The following SLC25A13 variants were observed in gnomAD, a reference collection of about 807,000 sequenced individuals.
The protein encoded by SLC25A13 is solute carrier family 25 member 13, also known as electrogenic aspartate/glutamate antiporter SLC25A13, mitochondrial.
Under a neutral mutation model 85.5 loss-of-function variants are expected in SLC25A13, and 70 were observed. The observed-to-expected ratio is 0.82, with a 90% CI of 0.68 to 1.00. The LOEUF (loss-of-function observed/expected upper bound fraction) is 1.00, where lower values mean the gene tolerates loss of function less well. Among genes scored for constraint, SLC25A13 ranks in the 50% least tolerant of loss-of-function variants. The pLI is 0.00. For synonymous variants in SLC25A13, 259 were observed against 288.7 expected, an observed-to-expected ratio of 0.90 and a Z score of 1.04; for missense variants, 765 against 819.8, an observed-to-expected ratio of 0.93 and a Z score of 0.82.
intron 14 of SLC25A13, among the ~76,000 whole-genome samples, chr7:96,144,395 C>A (rs148415481): frequency 4.9e-4 from 74 of 152,256 alleles, no homozygotes; most frequent in African/African-American, 1.7e-3. Flanking sequence ...ATTACTAGGT[C>A]ACTTTCTTGC....
intron 14 of SLC25A13, among the ~76,000 whole-genome samples, chr7:96,138,494 C>G (rs1252937098): frequency 6.6e-6 from 1 of 151,320 alleles, no homozygotes; most frequent in African/African-American, 2.4e-5. Context: ...CCCCTGGGCT[C>G]AAGTGCTCTT....
At chr7:96,298,812 T>C (rs566004735) in intron 1 of SLC25A13, among the ~76,000 whole-genome samples, 11 of 152,312 alleles carry the variant, frequency 7.2e-5, no homozygotes, top group Admixed American at 3.9e-4. Flanking sequence ...AATGTACTGC[T>C]AGTTAACCTA....
intron 1 of SLC25A13, among the ~76,000 whole-genome samples, chr7:96,310,897 T>G (rs778073278): frequency 6.6e-6 from 1 of 152,202 alleles, no homozygotes; most frequent in East Asian, 1.9e-4. Flanking sequence ...CCATAAAGTT[T>G]ACCATTGTAA....
intron 5 of SLC25A13, among the ~76,000 whole-genome samples, chr7:96,206,550 T>C (rs12667395): frequency 0.59 from 89,322 of 151,874 alleles, 26,729 homozygotes; most frequent in Non-Finnish European, 0.64. Context: ...GGTCCATCCA[T>C]TAATTCCTAT....
intron 13 of SLC25A13, among the ~76,000 whole-genome samples, chr7:96,158,302 CAG>C (rs1270762239): frequency 1.3e-5 from 2 of 152,184 alleles, no homozygotes; most frequent in South Asian, 2.1e-4. Flanking sequence ...TGAGAATATT[CAG>C]AGACTATTAA....
At chr7:96,254,020 T>C (rs2116874563) in intron 3 of SLC25A13, among the ~76,000 whole-genome samples, 1 of 152,270 alleles carries the variant, frequency 6.6e-6, no homozygotes. Flanking sequence ...GTGTGCTGTA[T>C]GTGTGTGTGC....
intron 13 of SLC25A13, chr7:96,169,766 C>CCAAA (rs1317393691): frequency 6.5e-6 from 3 of 464,440 alleles, no homozygotes; most frequent in Non-Finnish European, 1.1e-5. Flanking sequence ...TTTTCAAAGG[C>CCAAA]CAAACACTTC....
intron 13 of SLC25A13, among the ~76,000 whole-genome samples, chr7:96,164,857 TG>T (rs1459647358): frequency 1.3e-5 from 2 of 152,148 alleles, no homozygotes; most frequent in African/African-American, 4.8e-5. Context: ...TTTCTATTCT[TG>T]GTGATTTGGG....
intron 2 of SLC25A13, among the ~76,000 whole-genome samples, chr7:96,291,665 C>T (rs1183716977): frequency 6.6e-6 from 1 of 152,188 alleles, no homozygotes; most frequent in Non-Finnish European, 1.5e-5. Context: ...CGCAAATAAA[C>T]TAGAAAATCT....
intron 2 of SLC25A13, 68 bp from the exon 3 acceptor site, chr7:96,277,406 A>G: frequency 6.8e-7 from 1 of 1,463,226 alleles, no homozygotes; most frequent in Non-Finnish European, 9.4e-7. Flanking sequence ...CATGAGAGTG[A>G]TATGTGAAAA....
intron 14 of SLC25A13, among the ~76,000 whole-genome samples, chr7:96,142,103 TAAGAA>T (rs1792589636): frequency 1.3e-5 from 2 of 152,212 alleles, no homozygotes; most frequent in Non-Finnish European, 2.9e-5. Flanking sequence ...CAATTTTACT[TAAGAA>T]AAGTAAAATA....
chr7:96,298,671 G>C (rs1799440714), intron 1 of SLC25A13, among the ~76,000 whole-genome samples: 1 of 152,124 alleles, frequency 6.6e-6, no homozygotes, highest in African/African-American at 2.4e-5. Flanking sequence ...GACCTTAGGT[G>C]ATCTGCCCGC....
At position 96,191,140 on chromosome 7, in the gene SLC25A13, A is replaced by G. The variant is rs577055233; in HGVS notation, c.723T>C (p.Ala241=). ...ELIRKIYSTL[A]GTRKDVEVTK... ...TCACTTCAACATCTTTCCTGGTGCC[A>G]GCCAGAGTGCTATAGATCTTTCTAA... is the stretch of plus-strand genomic sequence containing the variant. The change falls in exon 7 of 18, where the codon GCT becomes GCC. Residue 241 remains alanine, a synonymous_variant. Coordinates refer to ENST00000265631, the MANE Select transcript of SLC25A13 (RefSeq NM_014251.3). 1 of 1,614,124 alleles carries G rather than the reference A, an allele frequency of 6.2e-7. No homozygotes were observed. Among genetic ancestry groups the G allele is most frequent in the East Asian group, 2.2e-5 (1 of 44,858 alleles).
chr7:96,131,592 C>CTTTTTTTTTTT lies in SLC25A13; in HGVS notation c.1591+150_1591+151insAAAAAAAAAAA. On this transcript the variant is annotated intron_variant, in intron 15 of 17. Coordinates refer to ENST00000265631, the MANE Select transcript of SLC25A13 (RefSeq NM_014251.3). ...GCCAGAATGAAGATTAATTTTTTCC[C>CTTTTTTTTTTT]TTTTTTTTCAGTAGCTCTTCAATCT... 1.0e-5 allele frequency: 10 copies of CTTTTTTTTTTT among 959,954 alleles called. No individual in the cohort carries two copies. In the Admixed American group the frequency reaches 1.5e-4, roughly 14 times the overall value. 59.5% of individuals were successfully genotyped at this position (959,954 alleles called of 1,614,324 possible).
chr7:96,284,535 C>T (rs1161887908), intron 2 of SLC25A13, among the ~76,000 whole-genome samples: 7 of 152,132 alleles, frequency 4.6e-5, no homozygotes, highest in Non-Finnish European at 5.9e-5. Context: ...TCCCATCTTT[C>T]GCTACAGAGA....
At chr7:96,296,482 C>CTT (rs779094783) in intron 2 of SLC25A13, among the ~76,000 whole-genome samples, 3 of 145,260 alleles carry the variant, frequency 2.1e-5, no homozygotes, top group Admixed American at 6.9e-5. Flanking sequence ...TTGGGATTTT[C>CTT]TTTTTTTTTT....
chr7:96,286,358 C>G (rs543716957), intron 2 of SLC25A13, among the ~76,000 whole-genome samples: 1 of 151,896 alleles, frequency 6.6e-6, no homozygotes, highest in Non-Finnish European at 1.5e-5. Context: ...TCCTGACTAC[C>G]ACCACCCAGG....
At chr7:96,252,609 C>G (rs545481714) in intron 3 of SLC25A13, among the ~76,000 whole-genome samples, 70 of 152,188 alleles carry the variant, frequency 4.6e-4, no homozygotes, top group African/African-American at 1.6e-3. Context: ...GATGTGAGAA[C>G]CAGTGAGGTC....
intron 1 of SLC25A13, among the ~76,000 whole-genome samples, chr7:96,314,428 A>C (rs1584612876): frequency 6.6e-6 from 1 of 152,176 alleles, no homozygotes; most frequent in East Asian, 1.9e-4. Flanking sequence ...GAGTTTGCTC[A>C]GTAGCTGTTA....
Sources: gnomAD v4.1 joint callset for allele counts (sites outside exome capture counted in the v4.1 genomes callset) on GRCh38, gnomAD v4.1.1 for gene constraint, MANE v1.5 for transcripts, NCBI Gene and HGNC (gene_info 2026-07-23, HGNC 2026-07-21) for gene names.